Variants in APOB observed in about 807,000 individuals in gnomAD.
The protein encoded by APOB is apolipoprotein B.
APOB carries 153 observed loss-of-function variants against 314.1 expected under a neutral mutation model. The ratio of observed to expected loss-of-function variants is 0.49; its 90% CI spans 0.43 to 0.56. APOB has a LOEUF of 0.56. Among genes scored for constraint, APOB ranks in the 20% least tolerant of loss-of-function variants. The probability of loss-of-function intolerance (pLI) is 0.00; values close to 1 mark genes in which losing one functional copy is unlikely to be tolerated. For synonymous variants in APOB, 2,087 were observed against 2,036.4 expected (o/e 1.02, Z -0.67); for missense variants, 5,430 against 5,350.7 (o/e 1.01, Z -0.46).
rs1482367146 is a variant in APOB at position 21,007,241 on chromosome 2, T to A, written c.9627A>T (p.Glu3209Asp). The A allele has an allele frequency of 6.2e-7, 1 of 1,613,422 alleles. No homozygotes were observed. Among genetic ancestry groups the A allele is most frequent in the South Asian group, 1.1e-5 (1 of 91,048 alleles). ...AATCTAATGCATTGTTTCTGTTTTT[T>A]TCAAAATGCCTGTCAAAGGATTTGA... ...QSIKSFDRHFEKNRNNALDFV... is the reference protein window; with the variant it reads ...QSIKSFDRHFDKNRNNALDFV... Residue 3209 changes from glutamate (E) to aspartate (D), a missense_variant, in exon 26 of 29, where the codon GAA (glutamate) becomes GAT (aspartate). Around this residue, in one of 3 missense-constraint regions of APOB, gnomAD observed 3,281 missense variants for 3,171.0 expected, o/e 1.03. Coordinates refer to ENST00000233242, the MANE Select transcript of APOB (RefSeq NM_000384.3).
chr2:21,016,986 A>T (rs1558567910), intron 20 of APOB, among the ~76,000 whole-genome samples: 6 of 120,350 alleles, frequency 5.0e-5, no homozygotes, highest in Non-Finnish European at 8.9e-5. Context: ...TCCATCTCAA[A>T]AAATAAATAA....
chr2:21,030,527 T>C (rs560850334), intron 10 of APOB, among the ~76,000 whole-genome samples: 3 of 152,286 alleles, frequency 2.0e-5, no homozygotes, highest in South Asian at 2.1e-4. Context: ...AAAACTTCTC[T>C]GGACATTGGC....
At chr2:21,017,869 T>G (rs1663516213) in intron 20 of APOB, among the ~76,000 whole-genome samples, 1 of 152,244 alleles carries the variant, frequency 6.6e-6, no homozygotes, top group Non-Finnish European at 1.5e-5. Flanking sequence ...AGTTTAATTC[T>G]GTGATATGCT....
intron 14 of APOB, among the ~76,000 whole-genome samples, chr2:21,027,548 C>T (rs1003438075): frequency 2.0e-5 from 3 of 152,092 alleles, no homozygotes; most frequent in Non-Finnish European, 4.4e-5. Context: ...ATCCTGACCT[C>T]ATGATCCACC....
chr2:21,018,885 C>A, intron 20 of APOB, 107 bp downstream of exon 20: 1 of 1,543,284 alleles, frequency 6.5e-7, no homozygotes. Context: ...TTAGTGGGTA[C>A]TCAGTTAACC....
chr2:21,039,193 TC>T (rs1664076780), intron 4 of APOB, among the ~76,000 whole-genome samples: 1 of 152,246 alleles, frequency 6.6e-6, no homozygotes, highest in African/African-American at 2.4e-5. Context: ...GGCTCTCGTT[TC>T]CACCAGCAGC....
At chr2:21,028,199 G>T in intron 13 of APOB, 128 bp downstream of exon 13, 2 of 1,124,214 alleles carry the variant, frequency 1.8e-6, no homozygotes, top group East Asian at 2.4e-5. Flanking sequence ...TTTGGGTCTA[G>T]ATCTGCTACA....
At position 21,011,216 on chromosome 2, in the gene APOB, G is replaced by A. The variant is rs766106302; in HGVS notation, c.5652C>T (p.Asn1884=). 40 of 1,614,056 alleles carry A rather than the reference G, an allele frequency of 2.5e-5. No homozygotes were observed. The highest frequency in any genetic ancestry group is 3.4e-5 in the Non-Finnish European group (40 of 1,180,036). Reference sequence around the variant, plus strand: ...TGAAATGCAGTGAGTCTGAATTATAGTTTGTGCTCATGTCAATGGCTGAAG... The same window carrying A: ...TGAAATGCAGTGAGTCTGAATTATAATTTGTGCTCATGTCAATGGCTGAAG... The part of the protein sequence containing the change: ...GLASAIDMST[N]YNSDSLHFSN... The change falls in exon 26 of 29, where the codon AAC becomes AAT. Residue 1884 remains asparagine (N), a synonymous_variant. Transcript: ENST00000233242.
chr2:21,032,234 C>T, intron 10 of APOB, 120 bp downstream of exon 10: 2 of 889,724 alleles, frequency 2.2e-6, no homozygotes, highest in Non-Finnish European at 3.6e-6. Flanking sequence ...CAAGAAAAAA[C>T]ACAAGAGTAA....
chr2:21,035,676 G>T lies in APOB; in HGVS notation c.726C>A (p.Ser242Arg), dbSNP rs1663985748. 6.2e-7 allele frequency: 1 copy of T among 1,613,938 alleles called. No individual in the cohort carries two copies. Among genetic ancestry groups the T allele is most frequent in the Non-Finnish European group, 8.5e-7 (1 of 1,180,018 alleles). Residue 242 changes from serine to arginine, a missense_variant, in exon 7 of 29, where the codon AGC (serine) becomes AGA (arginine). Physicochemically the swap from Ser to Arg is moderately radical, Grantham distance 110. Transcript: ENST00000233242. ...TRPLSTLISSSQSCQYTLDAK... is the reference protein window; with the variant it reads ...TRPLSTLISSRQSCQYTLDAK... ...CGTCCAGTGTGTACTGACAGGACTG[G>T]CTGCTGCTGATCAGAGTTGACAAGG... is the stretch of plus-strand genomic sequence containing the variant.
At position 21,043,901 on chromosome 2, in the gene APOB, AGGCAGCGCC is replaced by A; in HGVS notation, c.36_44del (p.Pro15_Leu17del). On this transcript the variant is annotated inframe_deletion, in exon 1 of 29. Transcript: ENST00000233242. ...CCGCCAGCAGCAGCAGCAGCAGCGC[AGGCAGCGCC>A]AGCAGCGCCAGCAGCGCGGGCCTCG... 7.0e-7 allele frequency: 1 copy of A among 1,423,250 alleles called. No individual in the cohort carries two copies. The highest frequency in any genetic ancestry group is 1.4e-5 in the South Asian group (1 of 72,924). 88.2% of individuals were successfully genotyped at this position (1,423,250 alleles called of 1,614,324 possible).
chr2:21,032,913 T>A (rs1264401361), intron 9 of APOB, among the ~76,000 whole-genome samples: 1 of 152,176 alleles, frequency 6.6e-6, no homozygotes, highest in Non-Finnish European at 1.5e-5. Flanking sequence ...CTCACCTTCA[T>A]AGCACTTAAA....
Position 21,007,197 on chromosome 2 carries a change from T to G in APOB, c.9671A>C (p.Asn3224Thr). Residue 3224 changes from asparagine (N) to threonine (T), a missense_variant, in exon 26 of 29, where the codon AAT (asparagine) becomes ACT (threonine). By Grantham distance (65) the Asn-to-Thr change is moderately conservative. Around this residue, in one of 3 missense-constraint regions of APOB, gnomAD observed 3,281 missense variants for 3,171.0 expected, o/e 1.03. Coordinates refer to ENST00000233242, the MANE Select transcript of APOB (RefSeq NM_000384.3). ...CTTATCAAACTTAATTTTTGTTTCA[T>G]TATAGGATTTGGTGACAAAATCTAA... is the stretch of plus-strand genomic sequence containing the variant. Reference protein sequence around the residue: ...NALDFVTKSYNETKIKFDKYK... With the variant: ...NALDFVTKSYTETKIKFDKYK... 1 of 1,613,920 alleles carries G rather than the reference T, an allele frequency of 6.2e-7. No individual in the cohort carries two copies. Among genetic ancestry groups the G allele is most frequent in the Non-Finnish European group, 8.5e-7 (1 of 1,179,930 alleles).
At position 21,011,937 on chromosome 2, in the gene APOB, G is replaced by A. The variant is rs773771856; in HGVS notation, c.4931C>T (p.Thr1644Ile). ...TATTCCATCTTGGCCAATCCTTAGT[G>A]TCGCCTTGTGAGCACCACTATTAAT... ...DKINSGAHKA[T>I]LRIGQDGIST... Residue 1644 changes from threonine (T) to isoleucine (I), a missense_variant, in exon 26 of 29, where the codon ACA becomes ATA. Thr to Ile is a moderately conservative substitution (Grantham distance 89). Around this residue, in one of 3 missense-constraint regions of APOB, gnomAD observed 2,085 missense variants for 2,079.7 expected, o/e 1.00. Coordinates refer to ENST00000233242, the MANE Select transcript of APOB (RefSeq NM_000384.3). The A allele has an allele frequency of 6.2e-7, 1 of 1,614,016 alleles. No homozygotes were observed. Among genetic ancestry groups the A allele is most frequent in the Non-Finnish European group, 8.5e-7 (1 of 1,180,030 alleles).
In APOB at chr2:21,014,547, G is replaced by A. The variant is rs990797090; in HGVS notation, c.3743C>T (p.Thr1248Ile). The change falls in exon 24 of 29, where the codon ACC becomes ATC. Residue 1248 changes from threonine (T) to isoleucine (I), a missense_variant. Physicochemically the swap from Thr to Ile is moderately conservative, Grantham distance 89. Transcript: ENST00000233242. The part of the protein sequence containing the change: ...LQKASGSLPY[T>I]QTLQDHLNSL... Reference sequence around the variant, plus strand: ...ATTGAGGTGGTCTTGCAAAGTCTGGGTATAAGGAAGACTCCCAGATGCCTT... The same window carrying A: ...ATTGAGGTGGTCTTGCAAAGTCTGGATATAAGGAAGACTCCCAGATGCCTT... 6.2e-7 allele frequency: 1 copy of A among 1,614,036 alleles called. No homozygotes were observed. The highest frequency in any genetic ancestry group is 1.3e-5 in the African/African-American group (1 of 75,022).
chr2:21,043,676 T>G, intron 1 of APOB, 125 bp from the exon 2 acceptor site: 1 of 1,496,060 alleles, frequency 6.7e-7, no homozygotes, highest in Non-Finnish European at 9.1e-7. Context: ...GGAGACCCCC[T>G]CCTCAGCCCC....
At chr2:21,033,213 C>G (rs994313786) in intron 9 of APOB, 86 bp downstream of exon 9, 45 of 994,500 alleles carry the variant, frequency 4.5e-5, no homozygotes, top group African/African-American at 1.6e-5. Flanking sequence ...CCAAATGGTC[C>G]CTGAGATTCT....
chr2:21,006,635 G>C lies in APOB; in HGVS notation c.10233C>G (p.Asn3411Lys), dbSNP rs771372599. 9 of 1,614,050 alleles carry C rather than the reference G, an allele frequency of 5.6e-6. No individual in the cohort carries two copies. The highest frequency in any genetic ancestry group is 7.6e-6 in the Non-Finnish European group (9 of 1,179,960). ...TTTTCGTGGTTAAGCTCACAGTACT[G>C]TTATGACTACCCTCCACAAATTTGT... The part of the protein sequence containing the change: ...LSNKFVEGSH[N>K]STVSLTTKNM... The change falls in exon 26 of 29, where the codon AAC becomes AAG. Residue 3411 changes from asparagine to lysine, a missense_variant. By Grantham distance (94) the Asn-to-Lys change is moderately conservative. Around this residue, in one of 3 missense-constraint regions of APOB, gnomAD observed 3,281 missense variants for 3,171.0 expected, o/e 1.03. Coordinates refer to ENST00000233242, the MANE Select transcript of APOB (RefSeq NM_000384.3).
Position 21,030,617 on chromosome 2 carries a change from G to C in APOB, c.1353-602C>G, listed in dbSNP as rs1436989661. Among the ~76,000 whole-genome samples the C allele has an allele frequency of 2.6e-5, 4 of 152,114 alleles. No homozygotes were observed. In the East Asian group the frequency reaches 5.8e-4, roughly 22 times the overall value. The stretch of plus-strand genomic sequence containing the variant: ...AATAGACAAATAGAACTTAATTAAA[G>C]TAAAAAGTTTCTGCACAGTAAAACA... On this transcript the variant is annotated intron_variant, in intron 10 of 28. Coordinates refer to ENST00000233242, the MANE Select transcript of APOB (RefSeq NM_000384.3).
Sources: allele counts gnomAD v4.1 joint callset (sites outside exome capture counted in the v4.1 genomes callset), GRCh38; gene constraint gnomAD v4.1.1; regional missense constraint gnomAD v4.1.1; transcripts MANE v1.5; gene names NCBI Gene and HGNC (gene_info 2026-07-23, HGNC 2026-07-21).